Variants in GLRB observed in about 807,000 individuals in gnomAD.
The protein encoded by GLRB is glycine receptor beta.
In GLRB, 33 loss-of-function variants were observed where a neutral mutation model predicts 54.2. The observed-to-expected ratio is 0.61, with a 90% CI of 0.46 to 0.81. The LOEUF (loss-of-function observed/expected upper bound fraction) is 0.81, where lower values mean the gene tolerates loss of function less well. Ranked by LOEUF, GLRB falls within the 40% of genes least tolerant of loss-of-function variation. GLRB has a pLI of 0.00. For missense variants in GLRB, 572 were observed against 584.6 expected, an observed-to-expected ratio of 0.98 and a Z score of 0.22; for synonymous variants, 209 against 208.2, an observed-to-expected ratio of 1.00 and a Z score of -0.03.
chr4:157,144,524 G>T (rs1736737710), intron 8 of GLRB, among the ~76,000 whole-genome samples: 1 of 152,150 alleles, frequency 6.6e-6, no homozygotes, highest in East Asian at 1.9e-4. Flanking sequence ...TGAAAATTGT[G>T]TCTGTATAAT....
intron 2 of GLRB, among the ~76,000 whole-genome samples, chr4:157,112,460 T>C (rs926489275): frequency 6.6e-6 from 1 of 151,988 alleles, no homozygotes. Context: ...TTTAGCATAT[T>C]GGTGGTTGCA....
chr4:157,107,472 A>T (rs1484985867), intron 2 of GLRB, among the ~76,000 whole-genome samples: 3 of 152,130 alleles, frequency 2.0e-5, no homozygotes, highest in African/African-American at 7.2e-5. Context: ...AAACAGTCTT[A>T]TTGCTGAGCT....
intron 2 of GLRB, among the ~76,000 whole-genome samples, chr4:157,111,304 CTG>C (rs1164252301): frequency 6.6e-6 from 1 of 151,970 alleles, no homozygotes; most frequent in Non-Finnish European, 1.5e-5. Context: ...CTAGTGCAAA[CTG>C]TTACTTTTTT....
intron 2 of GLRB, among the ~76,000 whole-genome samples, chr4:157,085,732 C>T (rs1267261035): frequency 4.0e-5 from 6 of 151,866 alleles, no homozygotes; most frequent in South Asian, 2.1e-4. Context: ...CTCCTGACCT[C>T]GTGATCCACC....
chr4:157,086,415 A>T (rs1734414919), intron 2 of GLRB, among the ~76,000 whole-genome samples: 1 of 152,222 alleles, frequency 6.6e-6, no homozygotes, highest in South Asian at 2.1e-4. Flanking sequence ...AAAAAGTATT[A>T]ATCTCATGGT....
intron 9 of GLRB, among the ~76,000 whole-genome samples, chr4:157,162,161 T>C (rs1169948982): frequency 6.6e-6 from 1 of 152,220 alleles, no homozygotes; most frequent in South Asian, 2.1e-4. Context: ...GTAGTTCTCG[T>C]GCCATGGTTT....
At chr4:157,085,818 T>C (rs1342287500) in intron 2 of GLRB, among the ~76,000 whole-genome samples, 1 of 152,150 alleles carries the variant, frequency 6.6e-6, no homozygotes, top group Non-Finnish European at 1.5e-5. Context: ...GTTGTTATTC[T>C]TATGTTTAAA....
intron 9 of GLRB, among the ~76,000 whole-genome samples, chr4:157,168,115 A>T (rs528510544): frequency 4.6e-4 from 67 of 145,214 alleles, no homozygotes; most frequent in Admixed American, 3.4e-4. Flanking sequence ...ACCAGTTCCT[A>T]TTTTTTTTTT....
chr4:157,099,440 G>A (rs1290471764), intron 2 of GLRB, among the ~76,000 whole-genome samples: 1 of 151,424 alleles, frequency 6.6e-6, no homozygotes. Flanking sequence ...GGGTTCAAGT[G>A]ATTCTCCTGC....
At chr4:157,139,088 G>T in intron 7 of GLRB, 139 bp downstream of exon 7, 1 of 562,452 alleles carries the variant, frequency 1.8e-6, no homozygotes, top group Non-Finnish European at 3.2e-6. Flanking sequence ...ACATTCATAT[G>T]TTTAAGTCTT....
rs954937914 is a variant in GLRB, at chr4:157,159,310, G to T, written c.1197+6300G>T. On this transcript the variant is annotated intron_variant, in intron 9 of 9. Coordinates refer to ENST00000264428, the MANE Select transcript of GLRB (RefSeq NM_000824.5). ...AACTTGACTTCCTCTTTTCCTAATT[G>T]AATACCTTTTATTTCTTTCTCCTGC... 2.0e-5 allele frequency among the ~76,000 whole-genome samples: 3 copies of T among 152,116 alleles called. No homozygotes were observed. The East Asian group carries it at 5.8e-4, about 29-fold the overall frequency.
At chr4:157,144,784 T>C (rs1736747004) in intron 8 of GLRB, among the ~76,000 whole-genome samples, 1 of 152,210 alleles carries the variant, frequency 6.6e-6, no homozygotes, top group Non-Finnish European at 1.5e-5. Flanking sequence ...GAAAAGGCCT[T>C]GTGCAAATCT....
intron 2 of GLRB, among the ~76,000 whole-genome samples, chr4:157,079,027 G>T (rs1015456886): frequency 6.6e-6 from 1 of 152,134 alleles, no homozygotes; most frequent in African/African-American, 2.4e-5. Flanking sequence ...GCTCGCCTTG[G>T]CATCCCAAAG....
At chr4:157,096,065 C>T (rs775558109) in intron 2 of GLRB, among the ~76,000 whole-genome samples, 19 of 152,098 alleles carry the variant, frequency 1.2e-4, no homozygotes, top group Non-Finnish European at 2.5e-4. Context: ...GGAGAAAAGT[C>T]ACAGTCCTTT....
At chr4:157,101,816 TG>T (rs1349154071) in intron 2 of GLRB, among the ~76,000 whole-genome samples, 2 of 35,928 alleles carry the variant, frequency 5.6e-5, no homozygotes. Flanking sequence ...TTTTTTTTGG[TG>T]GGGGGGAGGG....
chr4:157,147,137 A>G, intron 8 of GLRB, among the ~76,000 whole-genome samples: 1 of 152,186 alleles, frequency 6.6e-6, no homozygotes, highest in Non-Finnish European at 1.5e-5. Flanking sequence ...TGGAAATTTC[A>G]AAACTGGAGT....
chr4:157,096,437 A>G (rs1395450134), intron 2 of GLRB, among the ~76,000 whole-genome samples: 3 of 152,206 alleles, frequency 2.0e-5, no homozygotes, highest in Admixed American at 1.3e-4. Flanking sequence ...ATGTTGTGGG[A>G]AAACATAGAA....
At chr4:157,104,408 C>T (rs1157335369) in intron 2 of GLRB, among the ~76,000 whole-genome samples, 1 of 151,924 alleles carries the variant, frequency 6.6e-6, no homozygotes, top group Non-Finnish European at 1.5e-5. Context: ...TTATATATCC[C>T]ACTTGGTCAT....
intron 8 of GLRB, among the ~76,000 whole-genome samples, chr4:157,150,962 T>G (rs1403239737): frequency 6.6e-6 from 1 of 152,080 alleles, no homozygotes; most frequent in Non-Finnish European, 1.5e-5. Flanking sequence ...TAATGTAATT[T>G]CTCTTTCCTT....
Sources: gnomAD v4.1 joint callset for allele counts (sites outside exome capture counted in the v4.1 genomes callset) on GRCh38, gnomAD v4.1.1 for gene constraint, MANE v1.5 for transcripts, NCBI Gene and HGNC (gene_info 2026-07-23, HGNC 2026-07-21) for gene names.